Variants in MACROD1 observed in about 807,000 individuals in gnomAD.
MACROD1 encodes the protein mono-ADP ribosylhydrolase 1, also known as ADP-ribose glycohydrolase MACROD1.
MACROD1 carries 31 observed loss-of-function variants against 41.4 expected under a neutral mutation model. The observed-to-expected ratio is 0.75, with a 90% CI of 0.56 to 1.01. The LOEUF is 1.01. MACROD1 is among the 50% of genes least tolerant of loss of function. MACROD1 has a pLI of 0.00. For synonymous variants in MACROD1, 252 were observed against 203.4 expected (o/e 1.24, Z -2.03); for missense variants, 473 against 460.0 (o/e 1.03, Z -0.26).
chr11:64,111,439 A>G (rs1240516512), intron 3 of MACROD1, among the ~76,000 whole-genome samples: 1 of 152,164 alleles, frequency 6.6e-6, no homozygotes, highest in Non-Finnish European at 1.5e-5. Flanking sequence ...GCCCTGTGCT[A>G]CCTACCTGCT....
chr11:64,065,070 C>G (rs1019797055), intron 3 of MACROD1, among the ~76,000 whole-genome samples: 6 of 152,204 alleles, frequency 3.9e-5, no homozygotes, highest in Non-Finnish European at 5.9e-5. Flanking sequence ...GGGCCCAGCA[C>G]AGGCACCTGA....
intron 3 of MACROD1, among the ~76,000 whole-genome samples, chr11:64,139,607 A>G (rs7112960): frequency 0.3 from 45,094 of 152,008 alleles, 7,265 homozygotes; most frequent in Admixed American, 0.38. Context: ...GTGGTAATGC[A>G]TTTTTTTCCT....
At chr11:64,010,820 T>G (rs1943000975) in intron 4 of MACROD1, among the ~76,000 whole-genome samples, 1 of 144,970 alleles carries the variant, frequency 6.9e-6, no homozygotes, top group Non-Finnish European at 1.5e-5. Flanking sequence ...GTTGGGGTAT[T>G]GGTTGGGGTG....
chr11:64,044,839 G>A lies in MACROD1; in HGVS notation c.518-29558C>T, dbSNP rs114863882. 2.6e-3 allele frequency among the ~76,000 whole-genome samples: 396 copies of A among 152,280 alleles called. 1 individual carries two copies. Among genetic ancestry groups the A allele is most frequent in the African/African-American group, 9.1e-3 (378 of 41,568 alleles). ...CTGAGCTGTCTCCTGTGGTCTAAGA[G>A]CCTCATACTTCCTCTTCCCTGCCTG... On this transcript the variant is annotated intron_variant, in intron 3 of 10. Transcript: ENST00000255681.
intron 3 of MACROD1, among the ~76,000 whole-genome samples, chr11:64,035,359 G>A (rs1943352981): frequency 6.6e-6 from 1 of 152,172 alleles, no homozygotes; most frequent in Non-Finnish European, 1.5e-5. Context: ...TAGGCGGTGG[G>A]TACCTGTTTG....
At chr11:64,015,213 G>A (rs1417647502) in intron 4 of MACROD1, 39 bp downstream of exon 4, 7 of 1,565,830 alleles carry the variant, frequency 4.5e-6, no homozygotes, top group Non-Finnish European at 6.1e-6. Flanking sequence ...CAGGGGAGAT[G>A]CCACACCCCA....
Position 64,145,874 on chromosome 11 carries a change from ATTC to A in MACROD1, c.517+5362_517+5364del, listed in dbSNP as rs564284318. Among the ~76,000 whole-genome samples the A allele has an allele frequency of 2.2e-3, 341 of 152,174 alleles. 1 individual carries two copies. Among genetic ancestry groups the A allele is most frequent in the African/African-American group, 7.4e-3 (309 of 41,518 alleles). On this transcript the variant is annotated intron_variant, in intron 3 of 10. Coordinates refer to ENST00000255681, the MANE Select transcript of MACROD1 (RefSeq NM_014067.4). ...AACCTCCACCTCCCAGGTTCAAGCA[ATTC>A]TTCTGCCGCAGCCTCCTGACTAGCT...
intron 3 of MACROD1, among the ~76,000 whole-genome samples, chr11:64,124,878 C>T (rs980940665): frequency 3.9e-5 from 6 of 152,170 alleles, no homozygotes; most frequent in African/African-American, 1.2e-4. Context: ...CAGGGTTTCT[C>T]CATGTTGCTC....
chr11:64,004,570 C>G (rs1942879386), intron 4 of MACROD1, among the ~76,000 whole-genome samples: 1 of 152,134 alleles, frequency 6.6e-6, no homozygotes, highest in Non-Finnish European at 1.5e-5. Flanking sequence ...GGCAGGGCAC[C>G]CCAACCCGCA....
chr11:64,119,903 G>A (rs908457583), intron 3 of MACROD1, among the ~76,000 whole-genome samples: 3 of 152,132 alleles, frequency 2.0e-5, no homozygotes, highest in African/African-American at 7.2e-5. Flanking sequence ...GGGTTCCGAC[G>A]TGCCTGCGTC....
chr11:64,005,022 C>CTTTATTTATTTATATATTTATTTA (rs528633683), intron 4 of MACROD1, among the ~76,000 whole-genome samples: 10 of 147,668 alleles, frequency 6.8e-5, no homozygotes, highest in Admixed American at 2.7e-4. Context: ...CTAAGATCCA[C>CTTTATTTATTTATATATTTATTTA]TTTATTTATT....
At chr11:64,079,003 G>A (rs1944256319) in intron 3 of MACROD1, among the ~76,000 whole-genome samples, 1 of 152,184 alleles carries the variant, frequency 6.6e-6, no homozygotes. Flanking sequence ...TTTGTTCTGA[G>A]GGGAGGGTGG....
intron 1 of MACROD1, among the ~76,000 whole-genome samples, chr11:64,158,022 G>A (rs1454957315): frequency 6.6e-6 from 1 of 152,180 alleles, no homozygotes; most frequent in African/African-American, 2.4e-5. Flanking sequence ...CATTGGCAAG[G>A]CTGCGTCCCC....
intron 4 of MACROD1, among the ~76,000 whole-genome samples, chr11:64,009,766 C>T (rs371909087): frequency 2.6e-5 from 4 of 152,194 alleles, no homozygotes; most frequent in African/African-American, 7.2e-5. Flanking sequence ...TGGGGGTGCC[C>T]GGGAGACTCC....
intron 3 of MACROD1, among the ~76,000 whole-genome samples, chr11:64,072,017 A>G (rs1424876735): frequency 6.6e-6 from 1 of 152,200 alleles, no homozygotes; most frequent in Non-Finnish European, 1.5e-5. Flanking sequence ...CGATAGCAAA[A>G]CAAACGCACT....
intron 3 of MACROD1, among the ~76,000 whole-genome samples, chr11:64,128,665 C>T (rs1167620905): frequency 4.0e-5 from 6 of 151,862 alleles, no homozygotes; most frequent in African/African-American, 1.5e-4. Flanking sequence ...GCCCCACCCT[C>T]TGCCCTCCAC....
intron 3 of MACROD1, chr11:64,138,631 G>T: frequency 1.3e-6 from 1 of 795,736 alleles, no homozygotes; most frequent in Non-Finnish European, 1.5e-6. Context: ...CTCCCCAACT[G>T]CGATGCCGCT....
intron 3 of MACROD1, among the ~76,000 whole-genome samples, chr11:64,148,262 C>T (rs541009721): frequency 1.3e-5 from 2 of 152,134 alleles, no homozygotes; most frequent in African/African-American, 2.4e-5. Flanking sequence ...GAGCTCTCCC[C>T]GCCCCCTTTC....
intron 3 of MACROD1, chr11:64,149,051 C>G (rs1945536622): frequency 2.0e-6 from 2 of 984,790 alleles, no homozygotes; most frequent in Middle Eastern, 5.2e-4. Context: ...CAAAAAGATC[C>G]CAGGAGAACA....
Sources: gnomAD v4.1 joint callset for allele counts (sites outside exome capture counted in the v4.1 genomes callset) on GRCh38, gnomAD v4.1.1 for gene constraint, MANE v1.5 for transcripts, NCBI Gene and HGNC (gene_info 2026-07-23, HGNC 2026-07-21) for gene names.